The following HDAC9 variants were observed in gnomAD, a reference collection of about 807,000 sequenced individuals.
The protein encoded by HDAC9 is MEF-2 interacting transcription repressor (MITR) protein.
Under a neutral mutation model 139.4 loss-of-function variants are expected in HDAC9, and 41 were observed. That is an observed-to-expected ratio of 0.29 (90% CI 0.23 to 0.38). HDAC9 has a LOEUF of 0.38. HDAC9 is among the 10% of genes least tolerant of loss of function. The pLI, the probability that HDAC9 is intolerant of heterozygous loss-of-function variation, is 1.00. For synonymous variants in HDAC9, 517 were observed against 476.2 expected, an observed-to-expected ratio of 1.09 and a Z score of -1.12; for missense variants, 1,147 against 1,297.0, an observed-to-expected ratio of 0.88 and a Z score of 1.78.
intron 1 of HDAC9, among the ~76,000 whole-genome samples, chr7:18,351,272 A>G (rs1782827078): frequency 6.6e-6 from 1 of 152,126 alleles, no homozygotes; most frequent in Admixed American, 6.6e-5. Context: ...GATAGTTAAC[A>G]TTTTTCCATG....
chr7:18,377,955 A>C (rs1785121997), intron 1 of HDAC9, among the ~76,000 whole-genome samples: 1 of 152,218 alleles, frequency 6.6e-6, no homozygotes. Flanking sequence ...GAAATACTTA[A>C]CTTTCATTCC....
chr7:18,365,726 A>G (rs1277999910), intron 1 of HDAC9, among the ~76,000 whole-genome samples: 2 of 152,156 alleles, frequency 1.3e-5, no homozygotes, highest in South Asian at 2.1e-4. Flanking sequence ...AGAACAGACT[A>G]TGGAATTTGA....
At chr7:18,732,940 T>C (rs1479414638) in intron 13 of HDAC9, among the ~76,000 whole-genome samples, 1 of 137,468 alleles carries the variant, frequency 7.3e-6, no homozygotes, top group Non-Finnish European at 1.6e-5. Context: ...TATGTATGTG[T>C]ATACACACGT....
chr7:18,818,224 A>T (rs1310583394), intron 17 of HDAC9, among the ~76,000 whole-genome samples: 1 of 152,196 alleles, frequency 6.6e-6, no homozygotes, highest in African/African-American at 2.4e-5. Context: ...CTTAGTGCTG[A>T]TACTTAAGCA....
At chr7:18,349,726 T>G (rs1195350109) in intron 1 of HDAC9, among the ~76,000 whole-genome samples, 2 of 152,070 alleles carry the variant, frequency 1.3e-5, no homozygotes, top group African/African-American at 2.4e-5. Flanking sequence ...AATGTGGTGT[T>G]GTGTTTTACT....
At chr7:18,414,751 A>C (rs891321173) in intron 1 of HDAC9, among the ~76,000 whole-genome samples, 1 of 152,218 alleles carries the variant, frequency 6.6e-6, no homozygotes, top group Non-Finnish European at 1.5e-5. Flanking sequence ...TCTTAGAAGA[A>C]ATTAAGAATG....
intron 16 of HDAC9, among the ~76,000 whole-genome samples, chr7:18,774,128 C>T (rs746580284): frequency 8.6e-5 from 13 of 151,960 alleles, no homozygotes; most frequent in Non-Finnish European, 1.5e-4. Context: ...GAGTTTTAGA[C>T]TAGCAGTATC....
intron 21 of HDAC9, among the ~76,000 whole-genome samples, chr7:18,871,851 A>C (rs1798941466): frequency 1.3e-5 from 2 of 152,154 alleles, no homozygotes; most frequent in Non-Finnish European, 2.9e-5. Flanking sequence ...AGTTTCATTC[A>C]TTTATCAGAG....
At chr7:18,087,275 C>A (rs1375723735) in intron 1 of HDAC9, 2 of 152,294 alleles carry the variant, frequency 1.3e-5, no homozygotes, top group Admixed American at 1.3e-4. Context: ...GAATTGGGGG[C>A]CACCGGTCCT....
At chr7:18,585,124 A>G in intron 2 of HDAC9, 157 bp from the exon 3 acceptor site, 1 of 816,144 alleles carries the variant, frequency 1.2e-6, no homozygotes, top group Non-Finnish European at 2.0e-6. Context: ...TGTACAAATG[A>G]CTTTATATCA....
intron 17 of HDAC9, among the ~76,000 whole-genome samples, chr7:18,823,157 T>C (rs964340545): frequency 2.6e-5 from 4 of 152,156 alleles, no homozygotes; most frequent in African/African-American, 9.7e-5. Context: ...TGTTCTCACA[T>C]AGGATCAGGG....
At chr7:18,421,619 C>T (rs1374229466) in intron 1 of HDAC9, among the ~76,000 whole-genome samples, 2 of 152,280 alleles carry the variant, frequency 1.3e-5, no homozygotes, top group South Asian at 2.1e-4. Context: ...CAGATTCACA[C>T]GTTCATAAAG....
At chr7:18,573,639 C>T (rs1461627192) in intron 2 of HDAC9, among the ~76,000 whole-genome samples, 3 of 152,216 alleles carry the variant, frequency 2.0e-5, no homozygotes, top group East Asian at 3.9e-4. Flanking sequence ...CTAGCCACTG[C>T]ACACAGCTGG....
At chr7:18,909,216 T>C (rs113630699) in intron 22 of HDAC9, among the ~76,000 whole-genome samples, 5 of 152,178 alleles carry the variant, frequency 3.3e-5, no homozygotes, top group African/African-American at 1.2e-4. Flanking sequence ...ATTATTCTGA[T>C]CAATTGTCCA....
intron 1 of HDAC9, among the ~76,000 whole-genome samples, chr7:18,160,076 A>G (rs1687296688): frequency 6.6e-6 from 1 of 152,168 alleles, no homozygotes; most frequent in Non-Finnish European, 1.5e-5. Context: ...CTGCTGTTGA[A>G]TTGTTGGAAA....
chr7:18,689,388 C>A (rs1054669087), intron 12 of HDAC9, among the ~76,000 whole-genome samples: 5 of 151,832 alleles, frequency 3.3e-5, no homozygotes, highest in African/African-American at 1.2e-4. Context: ...GGCTAAGAAA[C>A]AATGTCACAA....
chr7:18,728,158 G>T (rs755920551), intron 13 of HDAC9, among the ~76,000 whole-genome samples: 1 of 151,936 alleles, frequency 6.6e-6, no homozygotes, highest in African/African-American at 2.4e-5. Flanking sequence ...TTTTTTGTTT[G>T]TTTGTTTTAT....
chr7:18,279,547 C>G (rs1796961574), intron 2 of HDAC9, among the ~76,000 whole-genome samples: 1 of 151,806 alleles, frequency 6.6e-6, no homozygotes, highest in Non-Finnish European at 1.5e-5. Context: ...CTCACTGCAA[C>G]CTCTGCCTCC....
chr7:18,432,794 A>G (rs1790801812), intron 1 of HDAC9, among the ~76,000 whole-genome samples: 1 of 152,132 alleles, frequency 6.6e-6, no homozygotes, highest in African/African-American at 2.4e-5. Flanking sequence ...AAACAAAAAT[A>G]CAAAAAATTA....
Sources: gnomAD v4.1 joint callset for allele counts (sites outside exome capture counted in the v4.1 genomes callset) on GRCh38, gnomAD v4.1.1 for gene constraint, MANE v1.5 for transcripts, NCBI Gene and HGNC (gene_info 2026-07-23, HGNC 2026-07-21) for gene names.